MIS18BP1: variants seen among roughly 807,000 people sequenced by gnomAD.
MIS18BP1 encodes the protein mis18-binding protein 1.
A neutral mutation model predicts 116.1 loss-of-function variants in MIS18BP1; 72 were observed. The observed-to-expected ratio is 0.62, with a 90% CI of 0.51 to 0.75. MIS18BP1 has a LOEUF of 0.75. Among genes scored for constraint, MIS18BP1 ranks in the 30% least tolerant of loss-of-function variants. The probability of loss-of-function intolerance (pLI) is 0.00; values close to 1 mark genes in which losing one functional copy is unlikely to be tolerated. For missense variants in MIS18BP1, 1,363 were observed against 1,303.2 expected (o/e 1.05, Z -0.71); for synonymous variants, 386 against 427.0 (o/e 0.90, Z 1.18).
intron 8 of MIS18BP1, among the ~76,000 whole-genome samples, chr14:45,229,672 T>G (rs1400070925): frequency 6.6e-6 from 1 of 152,206 alleles, no homozygotes; most frequent in Non-Finnish European, 1.5e-5. Context: ...TAATAAGTGC[T>G]GGCTCTAAGT....
intron 4 of MIS18BP1, chr14:45,241,798 G>A (rs984138261): frequency 4.8e-6 from 2 of 414,168 alleles, no homozygotes; most frequent in Non-Finnish European, 8.6e-6. Context: ...ACTAGTAATA[G>A]AGCAAAATAA....
intron 14 of MIS18BP1, among the ~76,000 whole-genome samples, chr14:45,209,190 A>G (rs1186616562): frequency 6.6e-6 from 1 of 152,090 alleles, no homozygotes; most frequent in Non-Finnish European, 1.5e-5. Context: ...ACACACACAC[A>G]CAAGTATATA....
chr14:45,240,093 T>A (rs1196805804), intron 4 of MIS18BP1, among the ~76,000 whole-genome samples: 3 of 152,168 alleles, frequency 2.0e-5, no homozygotes, highest in African/African-American at 7.2e-5. Context: ...AGAAGAATTT[T>A]CTGTGCTGGA....
At chr14:45,204,625 C>T (rs1890461749) in intron 15 of MIS18BP1, among the ~76,000 whole-genome samples, 172 bp from the exon 16 acceptor site, 1 of 151,928 alleles carries the variant, frequency 6.6e-6, no homozygotes, top group East Asian at 1.9e-4. Context: ...TGGGTTTATC[C>T]AGGGCAAGAA....
intron 5 of MIS18BP1, 26 bp from the exon 6 acceptor site, chr14:45,235,970 A>G: frequency 6.4e-7 from 1 of 1,562,032 alleles, no homozygotes; most frequent in Non-Finnish European, 8.7e-7. Flanking sequence ...AGTTTTGGTA[A>G]GGTCAAAATA....
Position 45,247,108 on chromosome 14 carries a change from T to C in MIS18BP1, c.179A>G (p.Lys60Arg), listed in dbSNP as rs1419583795. ...NSSLKLNDHKKNQFLKMTTFN... is the reference protein window; with the variant it reads ...NSSLKLNDHKRNQFLKMTTFN... Reference sequence around the variant, plus strand: ...AGTTGTCATTTTTAGGAACTGATTCTTTTTATGGTCATTCAATTTTAAGGA... The same window carrying C: ...AGTTGTCATTTTTAGGAACTGATTCCTTTTATGGTCATTCAATTTTAAGGA... Residue 60 changes from lysine (K) to arginine (R), a missense_variant, in exon 2 of 17, where the codon AAG becomes AGG. Physicochemically the swap from Lys to Arg is conservative, Grantham distance 26 (BLOSUM62 2). Transcript: ENST00000310806. 1 of 1,612,748 alleles carries C rather than the reference T, an allele frequency of 6.2e-7. No individual in the cohort carries two copies. Among genetic ancestry groups the C allele is most frequent in the Non-Finnish European group, 8.5e-7 (1 of 1,179,852 alleles).
At chr14:45,245,287 T>C (rs1594528345) in intron 2 of MIS18BP1, among the ~76,000 whole-genome samples, 1 of 152,282 alleles carries the variant, frequency 6.6e-6, no homozygotes, top group Non-Finnish European at 1.5e-5. Flanking sequence ...CTTCATTCTC[T>C]TGGCTTTCAC....
At chr14:45,235,711 TA>T in intron 6 of MIS18BP1, 102 bp downstream of exon 6, 1 of 959,658 alleles carries the variant, frequency 1.0e-6, no homozygotes, top group South Asian at 2.7e-5. Context: ...ATTCATAATT[TA>T]AAAATACCTA....
intron 15 of MIS18BP1, among the ~76,000 whole-genome samples, chr14:45,205,623 A>G (rs1228224033): frequency 6.6e-6 from 1 of 152,188 alleles, no homozygotes; most frequent in Non-Finnish European, 1.5e-5. Flanking sequence ...AATGTAAAAA[A>G]ATAAAAAGTA....
chr14:45,231,427 T>C, intron 7 of MIS18BP1, 129 bp from the exon 8 acceptor site: 3 of 745,258 alleles, frequency 4.0e-6, no homozygotes, highest in Non-Finnish European at 6.3e-6. Context: ...ATCTTTAATC[T>C]TACATTATTA....
chr14:45,211,409 T>A (rs1248319210), intron 13 of MIS18BP1, among the ~76,000 whole-genome samples: 2 of 152,172 alleles, frequency 1.3e-5, no homozygotes, highest in Non-Finnish European at 2.9e-5. Context: ...AATGGAATAA[T>A]ATTTCAAGAT....
intron 5 of MIS18BP1, among the ~76,000 whole-genome samples, chr14:45,236,265 G>C (rs1891426660): frequency 6.6e-6 from 1 of 152,172 alleles, no homozygotes; most frequent in Non-Finnish European, 1.5e-5. Context: ...AGCTTCCAAA[G>C]AATGATCTCC....
At chr14:45,238,457 G>A (rs974762522) in intron 4 of MIS18BP1, among the ~76,000 whole-genome samples, 1 of 152,160 alleles carries the variant, frequency 6.6e-6, no homozygotes, top group Non-Finnish European at 1.5e-5. Context: ...TCCAGTGGTA[G>A]TTTTATACTG....
chr14:45,242,543 A>G (rs1016498196), intron 3 of MIS18BP1, 25 bp from the exon 4 acceptor site: 1 of 1,550,906 alleles, frequency 6.4e-7, no homozygotes, highest in Non-Finnish European at 8.6e-7. Flanking sequence ...AAACAAAACA[A>G]AACAAAACAA....
chr14:45,218,980 G>C (rs536673553), intron 11 of MIS18BP1, among the ~76,000 whole-genome samples: 44 of 152,024 alleles, frequency 2.9e-4, no homozygotes, highest in Non-Finnish European at 4.1e-4. Flanking sequence ...AATGAAAATT[G>C]AAATAGAGAA....
chr14:45,234,957 C>A (rs1891381849), intron 6 of MIS18BP1, among the ~76,000 whole-genome samples: 1 of 152,090 alleles, frequency 6.6e-6, no homozygotes, highest in Non-Finnish European at 1.5e-5. Context: ...GTGGCTCATG[C>A]CAGTAATCCC....
chr14:45,206,264 C>G, intron 14 of MIS18BP1, 94 bp from the exon 15 acceptor site: 1 of 766,718 alleles, frequency 1.3e-6, no homozygotes, highest in South Asian at 1.8e-5. Flanking sequence ...ACAGGTTGAA[C>G]AACAATTGCC....
intron 1 of MIS18BP1, among the ~76,000 whole-genome samples, chr14:45,248,661 CA>C (rs1287112505): frequency 6.6e-6 from 1 of 151,704 alleles, no homozygotes. Context: ...GAGAAATAAG[CA>C]ATTAATATAC....
intron 13 of MIS18BP1, 137 bp from the exon 14 acceptor site, chr14:45,210,665 A>G: frequency 4.2e-6 from 4 of 960,340 alleles, no homozygotes; most frequent in Non-Finnish European, 6.3e-6. Flanking sequence ...AGTAGTACGT[A>G]GAGGAGTAGA....
Sources: gnomAD v4.1 joint callset for allele counts (sites outside exome capture counted in the v4.1 genomes callset) on GRCh38, gnomAD v4.1.1 for gene constraint, MANE v1.5 for transcripts, NCBI Gene and HGNC (gene_info 2026-07-23, HGNC 2026-07-21) for gene names.